The following XPO7 variants were observed in gnomAD, a reference collection of about 807,000 sequenced individuals.
The protein encoded by XPO7 is exportin-7.
Under a neutral mutation model 144.3 loss-of-function variants are expected in XPO7, and 21 were observed. The ratio of observed to expected loss-of-function variants is 0.15; its 90% CI spans 0.10 to 0.21. The LOEUF is 0.21. XPO7 is among the 10% of genes least tolerant of loss of function. XPO7 has a pLI of 1.00. For synonymous variants in XPO7, 580 were observed against 499.6 expected (o/e 1.16, Z -2.15); for missense variants, 808 against 1,325.8 (o/e 0.61, Z 6.06).
chr8:22,002,221 G>T lies in XPO7; in HGVS notation c.2892G>T (p.Glu964Asp). Residue 964 changes from glutamate to aspartate, a missense_variant, in exon 25 of 28, where the codon GAG becomes GAT. Coordinates refer to ENST00000252512, the MANE Select transcript of XPO7 (RefSeq NM_015024.5). ...AGAGGACCACACCCCTGAACCAGGA[G>T]AGCGACCGCTTTCTGCACATCATGC... The part of the protein sequence containing the change: ...TKKRTTPLNQ[E>D]SDRFLHIMQQ... The T allele has an allele frequency of 6.2e-7, 1 of 1,613,426 alleles. No homozygotes were observed. Among genetic ancestry groups the T allele is most frequent in the Non-Finnish European group, 8.5e-7 (1 of 1,179,646 alleles).
rs141170270 is a variant in XPO7, at chr8:21,992,094, T to C, written c.2148+120T>C. The C allele has an allele frequency of 7.1e-4, 467 of 657,688 alleles. 1 individual carries two copies. In the African/African-American group the frequency reaches 7.5e-3, roughly 11 times the overall value. 40.7% of individuals were successfully genotyped at this position (657,688 alleles called of 1,614,324 possible). ...AGCTTTTTTTAATGTCTTGGACTTC[T>C]AGGGTTTTGGAATTGCAGAACCAGT... On this transcript the variant is annotated intron_variant, in intron 19 of 27. Coordinates refer to ENST00000252512, the MANE Select transcript of XPO7 (RefSeq NM_015024.5).
At chr8:21,941,576 G>A (rs1355555006) in intron 1 of XPO7, among the ~76,000 whole-genome samples, 1 of 152,178 alleles carries the variant, frequency 6.6e-6, no homozygotes, top group African/African-American at 2.4e-5. Flanking sequence ...TACATGTTCA[G>A]TACAGACAGA....
chr8:21,989,130 C>T (rs1812675918), intron 16 of XPO7, 47 bp downstream of exon 16: 1 of 1,544,792 alleles, frequency 6.5e-7, no homozygotes, highest in Non-Finnish European at 8.9e-7. Flanking sequence ...AACTGGCATG[C>T]CACAGTCTTA....
At chr8:21,973,919 A>G (rs559468653) in intron 5 of XPO7, among the ~76,000 whole-genome samples, 45 of 152,372 alleles carry the variant, frequency 3.0e-4, no homozygotes, top group Admixed American at 8.5e-4. Context: ...TCTGGGGTAT[A>G]GAGAATATGT....
At position 21,999,629 on chromosome 8, in the gene XPO7, A is replaced by T. The variant is rs768983182; in HGVS notation, c.2737A>T (p.Ile913Phe). 4 of 1,613,978 alleles carry T rather than the reference A, an allele frequency of 2.5e-6. No individual in the cohort carries two copies. Among genetic ancestry groups the T allele is most frequent in the Non-Finnish European group, 3.4e-6 (4 of 1,179,898 alleles). Reference protein sequence around the residue: ...NFIASLEPHVIMYILSSISEG... With the variant: ...NFIASLEPHVFMYILSSISEG... ...TATTGCAAGCCTGGAACCTCACGTC[A>T]TCATGTATATTCTCTCTTCCATTTC... Residue 913 changes from isoleucine (I) to phenylalanine (F), a missense_variant, in exon 24 of 28, where the codon ATC (isoleucine) becomes TTC (phenylalanine). Physicochemically the swap from Ile to Phe is conservative, Grantham distance 21. This residue lies in a region of XPO7 where 140 missense variants were observed against 237.9 expected (regional missense o/e 0.59). Transcript: ENST00000252512.
intron 1 of XPO7, among the ~76,000 whole-genome samples, chr8:21,927,824 C>T (rs979052727): frequency 2.0e-5 from 3 of 152,248 alleles, no homozygotes; most frequent in Non-Finnish European, 1.5e-5. Flanking sequence ...GGATTACAGG[C>T]GTGAGCCACC....
intron 1 of XPO7, among the ~76,000 whole-genome samples, chr8:21,947,561 A>T (rs1199458460): frequency 6.6e-6 from 1 of 152,154 alleles, no homozygotes; most frequent in South Asian, 2.1e-4. Context: ...ATCATACACA[A>T]TATTTAAGAG....
intron 1 of XPO7, among the ~76,000 whole-genome samples, chr8:21,925,229 A>G (rs890047506): frequency 1.3e-5 from 2 of 152,218 alleles, no homozygotes; most frequent in Non-Finnish European, 2.9e-5. Flanking sequence ...GAGAGTTGTA[A>G]AAAACCTAGA....
At chr8:21,935,480 G>A (rs1810792543) in intron 1 of XPO7, among the ~76,000 whole-genome samples, 1 of 152,152 alleles carries the variant, frequency 6.6e-6, no homozygotes, top group African/African-American at 2.4e-5. Context: ...TTGATGTTCA[G>A]GTATCTTTCC....
intron 26 of XPO7, among the ~76,000 whole-genome samples, chr8:22,003,611 A>AAGTTCT (rs1251084244): frequency 6.6e-6 from 1 of 152,242 alleles, no homozygotes; most frequent in African/African-American, 2.4e-5. Flanking sequence ...CCTAAGACCT[A>AAGTTCT]AGTTCTAGTT....
intron 1 of XPO7, among the ~76,000 whole-genome samples, chr8:21,935,943 T>G (rs1188830370): frequency 6.6e-6 from 1 of 152,214 alleles, no homozygotes; most frequent in Non-Finnish European, 1.5e-5. Flanking sequence ...CTTGGGGTTT[T>G]CTTTTCTCAA....
chr8:21,963,126 G>A (rs1033261951), intron 1 of XPO7, among the ~76,000 whole-genome samples: 5 of 152,186 alleles, frequency 3.3e-5, no homozygotes, highest in African/African-American at 1.2e-4. Context: ...TACAAAATTG[G>A]TAAATCTACT....
At chr8:21,977,391 G>C (rs1812259580) in intron 7 of XPO7, among the ~76,000 whole-genome samples, 1 of 151,928 alleles carries the variant, frequency 6.6e-6, no homozygotes, top group African/African-American at 2.4e-5. Flanking sequence ...CCAGCCTGGC[G>C]AACATGGTGA....
intron 1 of XPO7, among the ~76,000 whole-genome samples, chr8:21,933,259 C>T (rs1810714382): frequency 6.6e-6 from 1 of 152,074 alleles, no homozygotes; most frequent in Non-Finnish European, 1.5e-5. Context: ...TGCCACCACA[C>T]CCGGCTAATT....
At chr8:22,004,936 AAGG>A in intron 27 of XPO7, 56 bp from the exon 28 acceptor site, 1 of 795,906 alleles carries the variant, frequency 1.3e-6, no homozygotes, top group East Asian at 3.5e-5. Context: ...AAAAAAAAAA[AAGG>A]CAAATACCTT....
chr8:21,946,598 A>C (rs1179479392), intron 1 of XPO7, among the ~76,000 whole-genome samples: 4 of 149,682 alleles, frequency 2.7e-5, no homozygotes, highest in Non-Finnish European at 5.9e-5. Context: ...AAAAAAAAAA[A>C]CATGAATCTA....
At chr8:21,936,874 T>G (rs538855854) in intron 1 of XPO7, among the ~76,000 whole-genome samples, 12 of 152,258 alleles carry the variant, frequency 7.9e-5, no homozygotes, top group African/African-American at 2.9e-4. Context: ...TTACTTCATA[T>G]AGGGTGGTTT....
At position 21,984,650 on chromosome 8, in the gene XPO7, G is replaced by A. The variant is rs1406932952; in HGVS notation, c.1282G>A (p.Gly428Ser). 1 of 1,611,024 alleles carries A rather than the reference G, an allele frequency of 6.2e-7. No homozygotes were observed. The highest frequency in any genetic ancestry group is 1.7e-5 in the Admixed American group (1 of 59,662). The change falls in exon 12 of 28, where the codon GGC (glycine) becomes AGC (serine). Residue 428 changes from glycine (G) to serine (S), a missense_variant. This residue lies in a region of XPO7 where 416 missense variants were observed against 612.5 expected (regional missense o/e 0.68). Coordinates refer to ENST00000252512, the MANE Select transcript of XPO7 (RefSeq NM_015024.5). ...TCCTTCTTCCCTTGGGAATAGAGATGGCCTGGAAGATCCCCTGGAGGATAC... is the reference window on the plus strand; with the variant it reads ...TCCTTCTTCCCTTGGGAATAGAGATAGCCTGGAAGATCCCCTGGAGGATAC... ...LESVHIILRD[G>S]LEDPLEDTGL...
At chr8:21,942,694 A>C (rs1811033133) in intron 1 of XPO7, among the ~76,000 whole-genome samples, 1 of 152,250 alleles carries the variant, frequency 6.6e-6, no homozygotes, top group African/African-American at 2.4e-5. Context: ...GGTTAATTGC[A>C]GTGTGGAATC....
Sources: gnomAD v4.1 joint callset for allele counts (sites outside exome capture counted in the v4.1 genomes callset) on GRCh38, gnomAD v4.1.1 for gene constraint, gnomAD v4.1.1 regional missense constraint, MANE v1.5 for transcripts, NCBI Gene and HGNC (gene_info 2026-07-23, HGNC 2026-07-21) for gene names.